LHFPL6: variants seen among roughly 807,000 people sequenced by gnomAD.
LHFPL6 encodes the protein LHFPL tetraspan subfamily member 6 protein.
Under a neutral mutation model 20.6 loss-of-function variants are expected in LHFPL6, and 9 were observed. That is an observed-to-expected ratio of 0.44 (90% CI 0.26 to 0.76). LHFPL6 has a LOEUF of 0.76. Among genes scored for constraint, LHFPL6 ranks in the 30% least tolerant of loss-of-function variants. LHFPL6 has a pLI of 0.20. For synonymous variants in LHFPL6, 105 were observed against 98.7 expected (o/e 1.06, Z -0.38); for missense variants, 218 against 253.5 (o/e 0.86, Z 0.95).
rs1872170305 is a variant in LHFPL6 at position 39,442,653 on chromosome 13, T to C, written c.386-64127A>G. 3.9e-5 allele frequency among the ~76,000 whole-genome samples: 6 copies of C among 152,220 alleles called. No homozygotes were observed. The South Asian group carries it at 8.3e-4, about 21-fold the overall frequency. On this transcript the variant is annotated intron_variant, in intron 2 of 3. Transcript: ENST00000379589. ...TGATCTTAGTTTTCTGGTATGTGTA[T>C]TGTATTAATGAAAATCTCAGAGGTT...
At chr13:39,540,974 T>G (rs773563668) in intron 2 of LHFPL6, among the ~76,000 whole-genome samples, 1 of 152,184 alleles carries the variant, frequency 6.6e-6, no homozygotes, top group Non-Finnish European at 1.5e-5. Context: ...ACAAGAATAG[T>G]TAATACTTAA....
intron 2 of LHFPL6, among the ~76,000 whole-genome samples, chr13:39,486,905 G>C (rs1204672692): frequency 1.3e-5 from 2 of 152,288 alleles, no homozygotes; most frequent in East Asian, 3.9e-4. Context: ...GCATATCCCT[G>C]TTAATCCATT....
At chr13:39,581,379 C>T (rs193072015) in intron 2 of LHFPL6, among the ~76,000 whole-genome samples, 2 of 152,162 alleles carry the variant, frequency 1.3e-5, no homozygotes, top group Non-Finnish European at 2.9e-5. Flanking sequence ...ATGAAACCTA[C>T]TGAGCACCAA....
At chr13:39,396,907 G>A (rs1352346149) in intron 2 of LHFPL6, among the ~76,000 whole-genome samples, 2 of 152,054 alleles carry the variant, frequency 1.3e-5, no homozygotes, top group Non-Finnish European at 2.9e-5. Context: ...GAATGCCTAG[G>A]GGAACCAGAA....
intron 2 of LHFPL6, among the ~76,000 whole-genome samples, chr13:39,493,406 A>C (rs1868996848): frequency 6.6e-6 from 1 of 152,168 alleles, no homozygotes; most frequent in South Asian, 2.1e-4. Flanking sequence ...AGACTGCTAA[A>C]AGGCTTTAAC....
At chr13:39,457,726 ATAGTGGTAG>A (rs1386024461) in intron 2 of LHFPL6, among the ~76,000 whole-genome samples, 3 of 152,234 alleles carry the variant, frequency 2.0e-5, no homozygotes, top group African/African-American at 7.2e-5. Flanking sequence ...GTATATCTTG[ATAGTGGTAG>A]TGGCTAAACA....
chr13:39,371,508 G>T (rs1025151873), intron 3 of LHFPL6, among the ~76,000 whole-genome samples: 2 of 152,128 alleles, frequency 1.3e-5, no homozygotes, highest in Non-Finnish European at 2.9e-5. Flanking sequence ...TTTATTATGT[G>T]CCAGATGCTG....
chr13:39,579,485 T>G (rs1872214690), intron 2 of LHFPL6, among the ~76,000 whole-genome samples: 1 of 152,332 alleles, frequency 6.6e-6, no homozygotes, highest in Middle Eastern at 3.4e-3. Context: ...TGAAATTTCT[T>G]GTCATTCTAT....
intron 2 of LHFPL6, among the ~76,000 whole-genome samples, chr13:39,578,184 C>T (rs1252579547): frequency 1.3e-5 from 2 of 151,914 alleles, no homozygotes; most frequent in Non-Finnish European, 2.9e-5. Context: ...AAAGAGCAAC[C>T]AAGTTAGTTG....
chr13:39,437,870 C>T (rs1240212282), intron 2 of LHFPL6, among the ~76,000 whole-genome samples: 1 of 150,618 alleles, frequency 6.6e-6, no homozygotes, highest in Non-Finnish European at 1.5e-5. Flanking sequence ...CCACTGCACT[C>T]CAGCCTGGGT....
chr13:39,581,833 T>C (rs569225046), intron 2 of LHFPL6, among the ~76,000 whole-genome samples: 1 of 152,298 alleles, frequency 6.6e-6, no homozygotes, highest in Non-Finnish European at 1.5e-5. Flanking sequence ...GGCTTAAAAT[T>C]ATGATTAAAG....
chr13:39,387,796 G>A (rs1870605590), intron 2 of LHFPL6, among the ~76,000 whole-genome samples: 1 of 152,084 alleles, frequency 6.6e-6, no homozygotes, highest in Non-Finnish European at 1.5e-5. Flanking sequence ...TGAACCCTGT[G>A]TGTAAATGGG....
chr13:39,562,483 T>TATATACAC lies in LHFPL6; in HGVS notation c.385+38341_385+38348dup, dbSNP rs1186830130. On this transcript the variant is annotated intron_variant, in intron 2 of 3. Coordinates refer to ENST00000379589, the MANE Select transcript of LHFPL6 (RefSeq NM_005780.3). The stretch of plus-strand genomic sequence containing the variant: ...ATATATACACATATACACATATACA[T>TATATACAC]ATATACACATATACATATATACATA... Among the ~76,000 whole-genome samples, 7 of 122,556 alleles carry TATATACAC rather than the reference T, an allele frequency of 5.7e-5. 1 individual carries two copies. Among genetic ancestry groups the TATATACAC allele is most frequent in the Admixed American group, 1.8e-4 (2 of 11,274 alleles). The allele number at this position is 122,556 out of a possible 152,430, so 80.4% of individuals were successfully genotyped here.
chr13:39,352,577 A>G (rs1869596788), intron 3 of LHFPL6, among the ~76,000 whole-genome samples: 1 of 152,046 alleles, frequency 6.6e-6, no homozygotes, highest in African/African-American at 2.4e-5. Flanking sequence ...CTTTCCCCAC[A>G]AAGTCACTGC....
chr13:39,594,783 A>G (rs573435657), intron 2 of LHFPL6, among the ~76,000 whole-genome samples: 10 of 152,384 alleles, frequency 6.6e-5, no homozygotes, highest in African/African-American at 2.2e-4. Context: ...AATACTATGC[A>G]GCCATAAAAA....
intron 2 of LHFPL6, among the ~76,000 whole-genome samples, chr13:39,519,962 G>A (rs533404728): frequency 1.3e-5 from 2 of 152,296 alleles, no homozygotes; most frequent in South Asian, 2.1e-4. Context: ...CAGATGTAGG[G>A]ATTCATAGGA....
At chr13:39,483,502 T>TTA in intron 2 of LHFPL6, among the ~76,000 whole-genome samples, 1 of 151,886 alleles carries the variant, frequency 6.6e-6, no homozygotes, top group Non-Finnish European at 1.5e-5. Context: ...TTTTTTTTTT[T>TTA]TACAAAACCA....
intron 2 of LHFPL6, among the ~76,000 whole-genome samples, chr13:39,459,281 C>G (rs1435137705): frequency 2.0e-5 from 3 of 150,188 alleles, no homozygotes; most frequent in Non-Finnish European, 4.4e-5. Flanking sequence ...ACCAGTTTTC[C>G]AGTTCCACTT....
intron 2 of LHFPL6, among the ~76,000 whole-genome samples, chr13:39,519,649 A>G (rs1870043865): frequency 6.6e-6 from 1 of 152,194 alleles, no homozygotes; most frequent in Non-Finnish European, 1.5e-5. Context: ...GAAGCTAAAT[A>G]TGACACACAA....
Sources: gnomAD v4.1 joint callset for allele counts (sites outside exome capture counted in the v4.1 genomes callset) on GRCh38, gnomAD v4.1.1 for gene constraint, MANE v1.5 for transcripts, NCBI Gene and HGNC (gene_info 2026-07-23, HGNC 2026-07-21) for gene names.